The following MYT1L variants were observed in gnomAD, a reference collection of about 807,000 sequenced individuals.
MYT1L encodes myelin transcription factor 1-like protein.
A neutral mutation model predicts 126.7 loss-of-function variants in MYT1L; 12 were observed. That is an observed-to-expected ratio of 0.09 (90% confidence interval 0.06 to 0.15). The LOEUF (loss-of-function observed/expected upper bound fraction) is 0.15, where lower values mean the gene tolerates loss of function less well. MYT1L is among the 10% of genes least tolerant of loss of function. The pLI, the probability that MYT1L is intolerant of heterozygous loss-of-function variation, is 1.00. For missense variants in MYT1L, 979 were observed against 1,585.2 expected, an observed-to-expected ratio of 0.62 and a Z score of 6.49; for synonymous variants, 541 against 604.2, an observed-to-expected ratio of 0.90 and a Z score of 1.53.
chr2:2,229,479 C>A (rs2094108281), intron 2 of MYT1L, among the ~76,000 whole-genome samples: 1 of 151,932 alleles, frequency 6.6e-6, no homozygotes, highest in Non-Finnish European at 1.5e-5. Flanking sequence ...TCTCACTCTG[C>A]TGCGCAGGCT....
At chr2:2,305,438 T>A (rs2095845252) in intron 1 of MYT1L, among the ~76,000 whole-genome samples, 2 of 152,224 alleles carry the variant, frequency 1.3e-5, no homozygotes, top group Admixed American at 1.3e-4. Context: ...TTGTATTAAA[T>A]ACTAAAGTAA....
At chr2:1,840,616 T>C in intron 20 of MYT1L, 144 bp downstream of exon 20, 1 of 654,622 alleles carries the variant, frequency 1.5e-6, no homozygotes, top group Non-Finnish European at 2.6e-6. Context: ...CTAAGTTATC[T>C]GACCTTGCAT....
chr2:1,963,208 G>A (rs1358696495), intron 8 of MYT1L, among the ~76,000 whole-genome samples: 1 of 152,332 alleles, frequency 6.6e-6, no homozygotes, highest in East Asian at 1.9e-4. Context: ...CAGGTGCATT[G>A]CCCATGAGCA....
chr2:2,285,742 G>A (rs768298398), intron 1 of MYT1L, among the ~76,000 whole-genome samples: 7 of 152,156 alleles, frequency 4.6e-5, no homozygotes, highest in Non-Finnish European at 1.0e-4. Flanking sequence ...GAAGCTACAC[G>A]TTAGGTCAGA....
At chr2:1,905,639 C>T (rs148796752) in intron 13 of MYT1L, among the ~76,000 whole-genome samples, 1 of 152,308 alleles carries the variant, frequency 6.6e-6, no homozygotes, top group African/African-American at 2.4e-5. Flanking sequence ...CAGGCGCCAG[C>T]AACCACACCT....
chr2:2,264,403 C>T (rs2095067437), intron 2 of MYT1L, among the ~76,000 whole-genome samples: 1 of 151,812 alleles, frequency 6.6e-6, no homozygotes, highest in Non-Finnish European at 1.5e-5. Flanking sequence ...ACCCCACCCC[C>T]AAAAAAAATC....
At chr2:2,104,981 A>G (rs563763831) in intron 3 of MYT1L, among the ~76,000 whole-genome samples, 3 of 152,334 alleles carry the variant, frequency 2.0e-5, no homozygotes, top group Admixed American at 6.5e-5. Flanking sequence ...GACACATTAC[A>G]TTACTACTGA....
At chr2:2,073,307 C>T (rs369081972) in intron 3 of MYT1L, among the ~76,000 whole-genome samples, 22 of 151,598 alleles carry the variant, frequency 1.5e-4, no homozygotes, top group African/African-American at 5.3e-4. Flanking sequence ...AGTCCTGCCC[C>T]CAACTTTCTC....
intron 20 of MYT1L, among the ~76,000 whole-genome samples, chr2:1,839,601 G>A (rs2041381204): frequency 6.6e-6 from 1 of 152,254 alleles, no homozygotes. Flanking sequence ...GCAGATGGAA[G>A]GATTTTCTGG....
At chr2:2,015,711 G>T (rs1189185847) in intron 4 of MYT1L, among the ~76,000 whole-genome samples, 1 of 152,158 alleles carries the variant, frequency 6.6e-6, no homozygotes, top group Non-Finnish European at 1.5e-5. Flanking sequence ...GGAAGGAGGG[G>T]GCGGGAGGAA....
At chr2:2,111,965 G>A (rs1177451849) in intron 3 of MYT1L, among the ~76,000 whole-genome samples, 1 of 152,228 alleles carries the variant, frequency 6.6e-6, no homozygotes, top group Non-Finnish European at 1.5e-5. Context: ...TTTGCGTCAG[G>A]TAAAAGCCTG....
chr2:2,049,261 C>T (rs1180896580), intron 4 of MYT1L, among the ~76,000 whole-genome samples: 1 of 152,176 alleles, frequency 6.6e-6, no homozygotes, highest in Non-Finnish European at 1.5e-5. Context: ...TTGGTAGCAA[C>T]CTAGCAGTTC....
At chr2:2,108,369 A>G (rs1227232287) in intron 3 of MYT1L, among the ~76,000 whole-genome samples, 1 of 152,182 alleles carries the variant, frequency 6.6e-6, no homozygotes, top group African/African-American at 2.4e-5. Context: ...CCCTTCATAC[A>G]GGGGCATGAT....
chr2:2,179,421 C>T lies in MYT1L; in HGVS notation c.-420-6433G>A, dbSNP rs186724887. Reference sequence around the variant, plus strand: ...CAGACCCCGAAACCTGTTCCTCCTCCCTTCACGCTGAGAGTGGAATCTCTA... The same window carrying T: ...CAGACCCCGAAACCTGTTCCTCCTCTCTTCACGCTGAGAGTGGAATCTCTA... On this transcript the variant is annotated intron_variant, in intron 2 of 24. Transcript: ENST00000647738. Among the ~76,000 whole-genome samples the T allele has an allele frequency of 1.4e-3, 214 of 152,332 alleles. 1 individual carries two copies. The highest frequency in any genetic ancestry group is 2.2e-3 in the Admixed American group (33 of 15,298).
chr2:2,277,475 G>T (rs1438338186), intron 2 of MYT1L, among the ~76,000 whole-genome samples: 7 of 152,210 alleles, frequency 4.6e-5, no homozygotes, highest in Non-Finnish European at 1.5e-5. Context: ...CTGCACACAG[G>T]TGCATCATGG....
intron 8 of MYT1L, among the ~76,000 whole-genome samples, chr2:1,961,083 A>G (rs1403162428): frequency 6.6e-6 from 1 of 152,232 alleles, no homozygotes; most frequent in Non-Finnish European, 1.5e-5. Context: ...AGCAATCTGT[A>G]GTATCATATC....
intron 2 of MYT1L, among the ~76,000 whole-genome samples, chr2:2,236,093 ACAACCCAACCCAGTACATCC>A (rs1559417534): frequency 3.7e-5 from 5 of 134,904 alleles, no homozygotes; most frequent in South Asian, 4.9e-4. Context: ...CCAGTATGTC[ACAACCCAACCCAGTACATCC>A]CAACCCAACC....
chr2:1,937,977 G>C (rs2056204161), intron 9 of MYT1L, among the ~76,000 whole-genome samples: 1 of 152,304 alleles, frequency 6.6e-6, no homozygotes, highest in Admixed American at 6.5e-5. Flanking sequence ...TGATCAAGTG[G>C]CAAGGCAGCC....
intron 2 of MYT1L, among the ~76,000 whole-genome samples, chr2:2,190,140 T>A (rs1485626891): frequency 6.6e-6 from 1 of 152,188 alleles, no homozygotes; most frequent in Non-Finnish European, 1.5e-5. Flanking sequence ...AATATTTTCT[T>A]AATTATTTAT....
Sources: allele counts gnomAD v4.1 joint callset (sites outside exome capture counted in the v4.1 genomes callset), GRCh38; gene constraint gnomAD v4.1.1; transcripts MANE v1.5; gene names NCBI Gene and HGNC (gene_info 2026-07-23, HGNC 2026-07-21).